PODXL2: variants seen among roughly 807,000 people sequenced by gnomAD.
PODXL2 encodes podocalyxin-like protein 2.
In PODXL2, 17 loss-of-function variants were observed where a neutral mutation model predicts 53.4. That is an observed-to-expected ratio of 0.32 (90% CI 0.22 to 0.48). The LOEUF is 0.48. PODXL2 is among the 20% of genes least tolerant of loss of function. PODXL2 has a pLI of 0.99. For synonymous variants in PODXL2, 311 were observed against 306.7 expected (o/e 1.01, Z -0.15); for missense variants, 673 against 760.0 (o/e 0.89, Z 1.35).
In PODXL2 at chr3:127,642,580, G is replaced by C. The variant is rs72965781; in HGVS notation, c.349+3057G>C. ...GAGGTGGCCAGATATGGGAGGAGAC[G>C]AAGAGAATGAACGCCGCACCCCCCA... is the stretch of plus-strand genomic sequence containing the variant. On this transcript the variant is annotated intron_variant, in intron 2 of 7. Transcript: ENST00000342480. Among the ~76,000 whole-genome samples the C allele has an allele frequency of 9.6e-3, 1,464 of 151,784 alleles. 31 individuals carry two copies. The highest frequency in any genetic ancestry group is 0.033 in the African/African-American group (1,354 of 41,344).
intron 2 of PODXL2, among the ~76,000 whole-genome samples, chr3:127,644,366 A>G (rs897283919): frequency 1.3e-5 from 2 of 152,180 alleles, no homozygotes; most frequent in African/African-American, 4.8e-5. Flanking sequence ...TTAGCCTCCC[A>G]AAGTATTGTG....
intron 2 of PODXL2, among the ~76,000 whole-genome samples, chr3:127,641,200 C>A (rs1457869711): frequency 6.6e-6 from 1 of 152,084 alleles, no homozygotes; most frequent in African/African-American, 2.4e-5. Context: ...GTCTGAGCCA[C>A]CGCACCCGGA....
chr3:127,660,253 A>G (rs1169683786), intron 2 of PODXL2, 125 bp from the exon 3 acceptor site: 20 of 1,256,358 alleles, frequency 1.6e-5, no homozygotes, highest in East Asian at 1.5e-4. Context: ...TGGCCTCTCC[A>G]TCATGACCTG....
chr3:127,652,673 G>A (rs960446327), intron 2 of PODXL2, among the ~76,000 whole-genome samples: 8 of 152,152 alleles, frequency 5.3e-5, no homozygotes, highest in Non-Finnish European at 1.0e-4. Context: ...TGTGTCTCCC[G>A]GGCGGCTCGG....
intron 2 of PODXL2, among the ~76,000 whole-genome samples, chr3:127,649,184 C>A (rs2074674164): frequency 6.6e-6 from 1 of 152,074 alleles, no homozygotes; most frequent in Non-Finnish European, 1.5e-5. Flanking sequence ...GTATACACAT[C>A]TTGCTGTTTC....
chr3:127,644,725 C>G (rs188045728), intron 2 of PODXL2, among the ~76,000 whole-genome samples: 8 of 152,198 alleles, frequency 5.3e-5, no homozygotes, highest in Admixed American at 3.9e-4. Context: ...GCCTTTGCCT[C>G]GATTGTCTCT....
At chr3:127,668,419 G>A (rs2074809293) in intron 4 of PODXL2, 22 bp from the exon 5 acceptor site, 2 of 1,512,912 alleles carry the variant, frequency 1.3e-6, no homozygotes, top group African/African-American at 1.4e-5. Context: ...CTGAACACGG[G>A]GGGCTCTTTC....
chr3:127,645,196 T>C (rs946312586), intron 2 of PODXL2, among the ~76,000 whole-genome samples: 1 of 152,242 alleles, frequency 6.6e-6, no homozygotes, highest in South Asian at 2.1e-4. Flanking sequence ...GCTTGTTCTC[T>C]TCCTTGCTTG....
intron 2 of PODXL2, among the ~76,000 whole-genome samples, chr3:127,641,979 G>T (rs2074623709): frequency 6.7e-6 from 1 of 148,382 alleles, no homozygotes. Flanking sequence ...TAAATTTCTA[G>T]AATAAAATTG....
rs1165142306 is a variant in PODXL2, at chr3:127,672,729, CGCGGGCG to C, written c.*260_*266del. On this transcript the variant is annotated 3_prime_UTR_variant, in exon 8 of 8. Coordinates refer to ENST00000342480, the MANE Select transcript of PODXL2 (RefSeq NM_015720.4). ...CTTTCCCGCCCCTGAACCCCGGCCC[CGCGGGCG>C]GCGGGCGGCGCTTCCTGCGCCCCGG... The C allele has an allele frequency of 1.2e-5, 5 of 410,508 alleles. No individual in the cohort carries two copies. Among genetic ancestry groups the C allele is most frequent in the African/African-American group, 4.2e-5 (2 of 47,928 alleles). The allele number at this position is 410,508 out of a possible 1,614,324, so 25.4% of individuals were successfully genotyped here. A position where few individuals can be genotyped will look rare whatever the true frequency, so the allele number is the denominator to read the frequency against.
rs2074834977 is a variant in PODXL2, at chr3:127,671,344, C to T, written c.1426-90C>T. ...GCCAGCACCTTCTAAGCCTGCTCCC[C>T]CATCCCCACCCGAGCCCAATGCAAC... On this transcript the variant is annotated intron_variant, in intron 6 of 7. Transcript: ENST00000342480. 6 of 1,181,002 alleles carry T rather than the reference C, an allele frequency of 5.1e-6. No individual in the cohort carries two copies. The Admixed American group carries it at 1.1e-4, about 22-fold the overall frequency. The allele number at this position is 1,181,002 out of a possible 1,614,324, so 73.2% of individuals were successfully genotyped here.
chr3:127,661,236 T>C, intron 3 of PODXL2, 77 bp downstream of exon 3: 1 of 1,152,810 alleles, frequency 8.7e-7, no homozygotes, highest in South Asian at 1.4e-5. Context: ...TAGTGTGGCA[T>C]GGGGGCAGGA....
intron 6 of PODXL2, 130 bp downstream of exon 6, chr3:127,669,332 G>T (rs1278568317): frequency 1.1e-5 from 7 of 649,966 alleles, no homozygotes; most frequent in Non-Finnish European, 1.9e-5. Context: ...CTCTGGGCAG[G>T]TTCCTTGCTT....
chr3:127,654,758 A>T (rs950209375), intron 2 of PODXL2, among the ~76,000 whole-genome samples: 1 of 152,054 alleles, frequency 6.6e-6, no homozygotes, highest in African/African-American at 2.4e-5. Flanking sequence ...TCCTGTTATT[A>T]TTTTACCAGG....
At chr3:127,659,970 G>T (rs896357715) in intron 2 of PODXL2, among the ~76,000 whole-genome samples, 1 of 152,176 alleles carries the variant, frequency 6.6e-6, no homozygotes, top group Non-Finnish European at 1.5e-5. Flanking sequence ...CTCTTATAAC[G>T]ACTCACTAGA....
intron 4 of PODXL2, among the ~76,000 whole-genome samples, chr3:127,667,735 A>C (rs1244395577): frequency 1.3e-5 from 2 of 152,212 alleles, no homozygotes; most frequent in Non-Finnish European, 1.5e-5. Flanking sequence ...GCACGATGAG[A>C]AAAGGTCTCC....
In PODXL2 at chr3:127,662,295, C is replaced by T. The variant is rs375912216; in HGVS notation, c.1190C>T (p.Thr397Ile). 6.2e-7 allele frequency: 1 copy of T among 1,613,802 alleles called. No homozygotes were observed. Among genetic ancestry groups the T allele is most frequent in the Non-Finnish European group, 8.5e-7 (1 of 1,179,846 alleles). The part of the protein sequence containing the change: ...AGKNYIILNM[T>I]ENIDCEVFRQ... ...AAAAACTACATCATTCTGAACATGA[C>T]AGAGAACATAGACTGTGTGAGTGCC... The change falls in exon 4 of 8, where the codon ACA becomes ATA. Residue 397 changes from threonine to isoleucine, a missense_variant. By Grantham distance (89) the Thr-to-Ile change is moderately conservative. This residue lies in a region of PODXL2 where 588 missense variants were observed against 668.3 expected (regional missense o/e 0.88). Coordinates refer to ENST00000342480, the MANE Select transcript of PODXL2 (RefSeq NM_015720.4).
Position 127,671,491 on chromosome 3 carries a change from C to A in PODXL2, c.1483C>A (p.Arg495Ser), listed in dbSNP as rs969859253. ...CTGCCAGGCGCGGGCCAGCCAGGTG[C>A]GCAGCGACTACGGCACGCTCTTCGT... ...SSCQARASQVRSDYGTLFVVL... is the reference protein window; with the variant it reads ...SSCQARASQVSSDYGTLFVVL... The change falls in exon 7 of 8, where the codon CGC (arginine) becomes AGC (serine). Residue 495 changes from arginine (R) to serine (S), a missense_variant. By Grantham distance (110) the Arg-to-Ser change is moderately radical. This residue lies in a region of PODXL2 where 588 missense variants were observed against 668.3 expected (regional missense o/e 0.88). Coordinates refer to ENST00000342480, the MANE Select transcript of PODXL2 (RefSeq NM_015720.4). The A allele has an allele frequency of 6.2e-7, 1 of 1,614,042 alleles. No individual in the cohort carries two copies. The highest frequency in any genetic ancestry group is 1.3e-5 in the African/African-American group (1 of 74,924).
intron 2 of PODXL2, among the ~76,000 whole-genome samples, chr3:127,646,082 T>C (rs967465472): frequency 1.3e-5 from 2 of 152,192 alleles, no homozygotes; most frequent in African/African-American, 4.8e-5. Context: ...TACAAGTACA[T>C]CAATCAATGT....
Sources: gnomAD v4.1 joint callset for allele counts (sites outside exome capture counted in the v4.1 genomes callset) on GRCh38, gnomAD v4.1.1 for gene constraint, gnomAD v4.1.1 regional missense constraint, MANE v1.5 for transcripts, NCBI Gene and HGNC (gene_info 2026-07-23, HGNC 2026-07-21) for gene names.